GRIN2A: variants seen among roughly 807,000 people sequenced by gnomAD.
GRIN2A encodes the protein glutamate receptor ionotropic, NMDA 2A.
In GRIN2A, 22 loss-of-function variants were observed where a neutral mutation model predicts 113.4. The ratio of observed to expected loss-of-function variants is 0.19; its 90% CI spans 0.14 to 0.28. The LOEUF is 0.28. Among genes scored for constraint, GRIN2A ranks in the 10% least tolerant of loss-of-function variants. The probability of loss-of-function intolerance (pLI) is 1.00; values close to 1 mark genes in which losing one functional copy is unlikely to be tolerated. For synonymous variants in GRIN2A, 827 were observed against 738.4 expected, an observed-to-expected ratio of 1.12 and a Z score of -1.94; for missense variants, 1,502 against 1,887.0, an observed-to-expected ratio of 0.80 and a Z score of 3.78.
At chr16:9,931,488 C>T (rs77670936) in intron 3 of GRIN2A, among the ~76,000 whole-genome samples, 1,566 of 152,292 alleles carry the variant, frequency 0.01, 21 homozygotes, top group Non-Finnish European at 0.012. Context: ...CCTGGGTTCA[C>T]AGTTGTTAAT....
Position 9,757,114 on chromosome 16 carries a change from A to G in GRIN2A, c.*6035T>C, listed in dbSNP as rs1596368313. ...TCTAATCCTTTGGGGAATTTTTTCA[A>G]CCTTTTCTTGAGGCACATGTCATAA... On this transcript the variant is annotated 3_prime_UTR_variant, in exon 13 of 13. Transcript: ENST00000330684. 1.9e-5 allele frequency: 4 copies of G among 213,160 alleles called. No individual in the cohort carries two copies. The highest frequency in any genetic ancestry group is 1.2e-4 in the Admixed American group (2 of 17,126). The allele number at this position is 213,160 out of a possible 1,614,324, so 13.2% of individuals were successfully genotyped here.
At chr16:9,850,669 C>A (rs1323332820) in intron 4 of GRIN2A, among the ~76,000 whole-genome samples, 2 of 151,864 alleles carry the variant, frequency 1.3e-5, no homozygotes, top group African/African-American at 4.8e-5. Context: ...TCATTTTGAC[C>A]CCAGATACAG....
intron 2 of GRIN2A, among the ~76,000 whole-genome samples, chr16:9,999,015 C>T (rs567302457): frequency 6.6e-6 from 1 of 152,250 alleles, no homozygotes; most frequent in African/African-American, 2.4e-5. Flanking sequence ...ATTACATCAG[C>T]AGAACAAACA....
At chr16:9,788,105 C>T (rs1902345122) in intron 11 of GRIN2A, among the ~76,000 whole-genome samples, 1 of 152,206 alleles carries the variant, frequency 6.6e-6, no homozygotes, top group Non-Finnish European at 1.5e-5. Flanking sequence ...CTAGCCTGCT[C>T]TGTGGATGCA....
At chr16:10,113,053 C>G (rs2048650879) in intron 2 of GRIN2A, among the ~76,000 whole-genome samples, 1 of 152,084 alleles carries the variant, frequency 6.6e-6, no homozygotes, top group Non-Finnish European at 1.5e-5. Context: ...CCTCGCTGAG[C>G]ATCCCCTACA....
intron 2 of GRIN2A, among the ~76,000 whole-genome samples, chr16:10,045,655 G>A (rs1683013438): frequency 6.6e-6 from 1 of 152,188 alleles, no homozygotes. Context: ...TCTGACAGAG[G>A]CATCCAGAAA....
intron 2 of GRIN2A, among the ~76,000 whole-genome samples, chr16:10,036,449 C>CTTTTTTTT (rs369821921): frequency 8.5e-4 from 39 of 46,000 alleles, no homozygotes; most frequent in Non-Finnish European, 1.1e-3. Context: ...TTTTTTTTTT[C>CTTTTTTTT]TTTTTTTTTT....
At chr16:9,851,728 A>G (rs1026505429) in intron 4 of GRIN2A, among the ~76,000 whole-genome samples, 1 of 152,192 alleles carries the variant, frequency 6.6e-6, no homozygotes, top group African/African-American at 2.4e-5. Flanking sequence ...TTCATCCACT[A>G]GCTGAGTAGC....
At chr16:9,984,870 T>C (rs570936670) in intron 2 of GRIN2A, among the ~76,000 whole-genome samples, 84 of 152,318 alleles carry the variant, frequency 5.5e-4, no homozygotes, top group Non-Finnish European at 1.0e-3. Flanking sequence ...TTGTCTGTTT[T>C]TTGAGGAGTG....
rs1045728641 is a variant in GRIN2A at position 9,829,795 on chromosome 16, G to C, written c.1778-143C>G. The C allele has an allele frequency of 2.6e-5, 17 of 654,214 alleles. No homozygotes were observed. In the South Asian group the frequency reaches 3.0e-4, roughly 11 times the overall value. 40.5% of individuals were successfully genotyped at this position (654,214 alleles called of 1,614,324 possible). On this transcript the variant is annotated intron_variant, in intron 8 of 12. Transcript: ENST00000330684. ...ATAGTTGTGTCCTGTGATTGCCCTA[G>C]AACCACAATAACTTATTTTTTTCTT...
intron 2 of GRIN2A, among the ~76,000 whole-genome samples, chr16:10,106,775 A>C (rs1181556981): frequency 6.6e-6 from 1 of 152,148 alleles, no homozygotes; most frequent in East Asian, 1.9e-4. Context: ...AATTCAAAAT[A>C]CTCTTATGAA....
chr16:9,816,639 C>T (rs1035336553), intron 10 of GRIN2A, among the ~76,000 whole-genome samples: 2 of 152,338 alleles, frequency 1.3e-5, no homozygotes, highest in African/African-American at 4.8e-5. Flanking sequence ...AGGACATCAG[C>T]TTCTGATGAC....
intron 3 of GRIN2A, among the ~76,000 whole-genome samples, chr16:9,897,050 A>G (rs926434290): frequency 6.6e-6 from 1 of 152,160 alleles, no homozygotes; most frequent in Non-Finnish European, 1.5e-5. Flanking sequence ...CTCCATCAGG[A>G]GCAATAAGTA....
At chr16:9,815,385 C>T (rs576476938) in intron 10 of GRIN2A, among the ~76,000 whole-genome samples, 1 of 120,672 alleles carries the variant, frequency 8.3e-6, no homozygotes, top group African/African-American at 3.1e-5. Flanking sequence ...CCAGAATATA[C>T]AGAGAACTCT....
intron 2 of GRIN2A, among the ~76,000 whole-genome samples, chr16:10,064,494 G>A (rs1005857565): frequency 6.6e-6 from 1 of 152,110 alleles, no homozygotes; most frequent in Non-Finnish European, 1.5e-5. Flanking sequence ...TTAACCCAGC[G>A]ACTCCATCAA....
At chr16:10,166,917 T>G (rs951325617) in intron 2 of GRIN2A, among the ~76,000 whole-genome samples, 2 of 152,214 alleles carry the variant, frequency 1.3e-5, no homozygotes, top group Non-Finnish European at 2.9e-5. Context: ...ACGATTTTCC[T>G]TATGATCTTC....
At chr16:9,810,242 C>A (rs537920936) in intron 10 of GRIN2A, among the ~76,000 whole-genome samples, 1 of 152,182 alleles carries the variant, frequency 6.6e-6, no homozygotes, top group Admixed American at 6.5e-5. Context: ...TGGAATACAC[C>A]ACCACTCCCC....
chr16:9,818,095 T>C (rs559790417), intron 10 of GRIN2A, among the ~76,000 whole-genome samples: 33 of 151,910 alleles, frequency 2.2e-4, no homozygotes, highest in African/African-American at 7.7e-4. Context: ...AACAGCAATA[T>C]ATTTCATAAT....
intron 4 of GRIN2A, among the ~76,000 whole-genome samples, chr16:9,882,186 G>A (rs944982651): frequency 6.6e-6 from 1 of 152,098 alleles, no homozygotes. Context: ...AGATGGCAAG[G>A]AGAGGGAGCT....
Sources: gnomAD v4.1 joint callset for allele counts (sites outside exome capture counted in the v4.1 genomes callset) on GRCh38, gnomAD v4.1.1 for gene constraint, MANE v1.5 for transcripts, NCBI Gene and HGNC (gene_info 2026-07-23, HGNC 2026-07-21) for gene names.